ATP9A: variants seen among roughly 807,000 people sequenced by gnomAD.
ATP9A encodes the protein ATPase phospholipid transporting 9A, also known as probable phospholipid-transporting ATPase IIA.
A neutral mutation model predicts 144.1 loss-of-function variants in ATP9A; 52 were observed. That is an observed-to-expected ratio of 0.36 (90% confidence interval 0.29 to 0.45). The LOEUF is 0.45. ATP9A is among the 20% of genes least tolerant of loss of function. The pLI is 1.00. For synonymous variants in ATP9A, 582 were observed against 557.4 expected (o/e 1.04, Z -0.62); for missense variants, 947 against 1,392.7 (o/e 0.68, Z 5.09).
Position 51,696,156 on chromosome 20 carries a change from A to G in ATP9A, c.496-12T>C. The G allele has an allele frequency of 1.2e-6, 2 of 1,613,458 alleles. No individual in the cohort carries two copies. Among genetic ancestry groups the G allele is most frequent in the East Asian group, 2.2e-5 (1 of 44,874 alleles). On this transcript the variant is annotated splice_polypyrimidine_tract_variant and intron_variant, in intron 5 of 27. Transcript: ENST00000338821. ...GGGACCCGCTGGTTCTGTGTTATGA[A>G]AAGAAAGACTGTTACTGTGAATGAA...
intron 19 of ATP9A, among the ~76,000 whole-genome samples, chr20:51,619,578 G>C (rs576246198): frequency 2.2e-4 from 2 of 9,090 alleles, no homozygotes; most frequent in Admixed American, 2.1e-3. Context: ...AAAAAAAAAG[G>C]GGGGGGGGGG....
chr20:51,710,785 T>A (rs1333855844), intron 4 of ATP9A, among the ~76,000 whole-genome samples: 2 of 151,766 alleles, frequency 1.3e-5, no homozygotes, highest in Non-Finnish European at 2.9e-5. Flanking sequence ...AAGAGCTGAG[T>A]GAAGTTGAAG....
chr20:51,766,739 GT>G (rs1345922415), intron 1 of ATP9A, among the ~76,000 whole-genome samples: 2 of 152,112 alleles, frequency 1.3e-5, no homozygotes, highest in Non-Finnish European at 2.9e-5. Flanking sequence ...TACTCGGGAG[GT>G]TGAGGCAGAG....
chr20:51,760,418 C>T (rs1006753880), intron 1 of ATP9A, among the ~76,000 whole-genome samples: 22 of 152,180 alleles, frequency 1.4e-4, no homozygotes, highest in Non-Finnish European at 2.4e-4. Flanking sequence ...GTGCTCACAA[C>T]GACTGAAATA....
rs771062486 is a variant in ATP9A, at chr20:51,629,088, G to A, written c.1669-16C>T. 4.0e-5 allele frequency: 64 copies of A among 1,598,828 alleles called. No individual in the cohort carries two copies. Among genetic ancestry groups the A allele is most frequent in the Admixed American group, 5.0e-5 (3 of 59,834 alleles). On this transcript the variant is annotated splice_polypyrimidine_tract_variant and intron_variant, in intron 15 of 27. Transcript: ENST00000338821. ...TTGATTCATCCTAGAGAGGGAGGCC[G>A]GAAGGAATGAGAAACTGAAAGGAAC...
intron 1 of ATP9A, among the ~76,000 whole-genome samples, chr20:51,755,244 T>C (rs533862431): frequency 3.0e-4 from 46 of 151,946 alleles, no homozygotes; most frequent in African/African-American, 1.1e-3. Context: ...GAGACCAGCC[T>C]GACCAACATG....
chr20:51,745,191 CGA>C (rs1046309071), intron 1 of ATP9A, among the ~76,000 whole-genome samples: 1 of 151,398 alleles, frequency 6.6e-6, no homozygotes, highest in African/African-American at 2.4e-5. Context: ...TGCTTGAACC[CGA>C]GAGGCAGAGG....
intron 1 of ATP9A, among the ~76,000 whole-genome samples, chr20:51,756,036 C>A (rs995708108): frequency 6.6e-6 from 1 of 152,134 alleles, no homozygotes; most frequent in Non-Finnish European, 1.5e-5. Context: ...AGAGATACTG[C>A]ACATGCCAAG....
Position 51,663,263 on chromosome 20 carries a change from G to A in ATP9A, c.1294-6113C>T, listed in dbSNP as rs74817944. Among the ~76,000 whole-genome samples the A allele has an allele frequency of 6.8e-4, 103 of 152,126 alleles. No homozygotes were observed. In the East Asian group the frequency reaches 0.017, roughly 25 times the overall value. On this transcript the variant is annotated intron_variant, in intron 13 of 27. Coordinates refer to ENST00000338821, the MANE Select transcript of ATP9A (RefSeq NM_006045.3). ...ACAGAGACAGAGAGAAATAAAGAAC[G>A]CATCTATCCAGACACACAAAGGCAG...
chr20:51,638,708 A>T lies in ATP9A; in HGVS notation c.1668+635T>A, dbSNP rs533585257. ...TGAAACCCTGTATCTATAAAAAATT[A>T]AAAAATGAGTCAGCCCTGGTTTTGC... On this transcript the variant is annotated intron_variant, in intron 15 of 27. Coordinates refer to ENST00000338821, the MANE Select transcript of ATP9A (RefSeq NM_006045.3). Among the ~76,000 whole-genome samples, 15 of 152,262 alleles carry T rather than the reference A, an allele frequency of 9.9e-5. No homozygotes were observed. The South Asian group carries it at 2.5e-3, about 25-fold the overall frequency.
intron 22 of ATP9A, among the ~76,000 whole-genome samples, chr20:51,615,677 G>A (rs762968821): frequency 8.5e-5 from 13 of 152,216 alleles, no homozygotes; most frequent in Non-Finnish European, 1.9e-4. Flanking sequence ...GTCTCACTCT[G>A]TCACCCAGAG....
intron 10 of ATP9A, among the ~76,000 whole-genome samples, chr20:51,674,783 T>C (rs1243370410): frequency 1.3e-5 from 2 of 152,138 alleles, no homozygotes; most frequent in African/African-American, 4.8e-5. Context: ...ACACCAGTGG[T>C]GGCACCCGAT....
At chr20:51,667,090 A>G (rs2077436118) in intron 13 of ATP9A, among the ~76,000 whole-genome samples, 1 of 152,178 alleles carries the variant, frequency 6.6e-6, no homozygotes, top group Non-Finnish European at 1.5e-5. Context: ...GTCAGACTCA[A>G]GGCCGGGATG....
At chr20:51,640,760 T>C (rs972505895) in intron 14 of ATP9A, among the ~76,000 whole-genome samples, 2 of 151,862 alleles carry the variant, frequency 1.3e-5, no homozygotes, top group East Asian at 1.9e-4. Flanking sequence ...GAGGGCTGAG[T>C]GGGGGCTGTG....
intron 1 of ATP9A, among the ~76,000 whole-genome samples, chr20:51,750,432 C>A (rs2151119): frequency 6.6e-6 from 1 of 152,072 alleles, no homozygotes; most frequent in African/African-American, 2.4e-5. Flanking sequence ...GGTTCTAACA[C>A]AGACCTAGGC....
Position 51,712,958 on chromosome 20 carries a change from A to C in ATP9A, c.436+8T>G. 6.2e-7 allele frequency: 1 copy of C among 1,603,336 alleles called. No homozygotes were observed. The highest frequency in any genetic ancestry group is 8.5e-7 in the Non-Finnish European group (1 of 1,174,584). On this transcript the variant is annotated splice_region_variant and intron_variant, in intron 4 of 27. Transcript: ENST00000338821. ...GCAACCCTGTGGCCCAGGAGCCAGA[A>C]GGCTGACCTCGTGCTGTGAGCCGGC...
intron 9 of ATP9A, 57 bp from the exon 10 acceptor site, chr20:51,676,265 G>T: frequency 7.3e-7 from 1 of 1,376,850 alleles, no homozygotes; most frequent in Non-Finnish European, 9.9e-7. Context: ...CAGACAGGCA[G>T]GCTTGCAAAT....
At position 51,725,806 on chromosome 20, in the gene ATP9A, C is replaced by A. The variant is rs1433591832; in HGVS notation, c.327+13G>T. ...CTCTAAGGTTACTGAACAAACAATG[C>A]CGATTAACTTACCAGGGGAACCCAG... On this transcript the variant is annotated intron_variant, in intron 3 of 27. Coordinates refer to ENST00000338821, the MANE Select transcript of ATP9A (RefSeq NM_006045.3). The A allele has an allele frequency of 2.0e-6, 3 of 1,525,370 alleles. No individual in the cohort carries two copies. The Admixed American group carries it at 5.0e-5, about 26-fold the overall frequency. The allele number at this position is 1,525,370 out of a possible 1,614,324, so 94.5% of individuals were successfully genotyped here. A position where few individuals can be genotyped will look rare whatever the true frequency, so the allele number is the denominator to read the frequency against.
intron 1 of ATP9A, among the ~76,000 whole-genome samples, chr20:51,741,826 C>T (rs933462781): frequency 2.0e-5 from 3 of 152,130 alleles, no homozygotes; most frequent in African/African-American, 7.2e-5. Context: ...TGTTGTCTGT[C>T]ACAACTCCAA....
Sources: allele counts gnomAD v4.1 joint callset (sites outside exome capture counted in the v4.1 genomes callset), GRCh38; gene constraint gnomAD v4.1.1; transcripts MANE v1.5; gene names NCBI Gene and HGNC (gene_info 2026-07-23, HGNC 2026-07-21).